The following PKHD1L1 variants were observed in gnomAD, a reference collection of about 807,000 sequenced individuals.
PKHD1L1 encodes PKHD1 like 1, also known as fibrocystin-L.
Under a neutral mutation model 462.9 loss-of-function variants are expected in PKHD1L1, and 434 were observed. That is an observed-to-expected ratio of 0.94 (90% CI 0.87 to 1.02). The LOEUF (loss-of-function observed/expected upper bound fraction) is 1.02. Among genes scored for constraint, PKHD1L1 ranks in the 50% least tolerant of loss-of-function variants. PKHD1L1 has a pLI of 0.00. For synonymous variants in PKHD1L1, 1,781 were observed against 1,750.0 expected, an observed-to-expected ratio of 1.02 and a Z score of -0.44; for missense variants, 5,202 against 5,096.1, an observed-to-expected ratio of 1.02 and a Z score of -0.63.
At chr8:109,492,642 A>G (rs1298990894) in intron 62 of PKHD1L1, among the ~76,000 whole-genome samples, 1 of 151,896 alleles carries the variant, frequency 6.6e-6, no homozygotes, top group Non-Finnish European at 1.5e-5. Flanking sequence ...ATGAGGTTAA[A>G]AATATTCTCT....
intron 38 of PKHD1L1, among the ~76,000 whole-genome samples, chr8:109,446,671 T>C (rs1260588199): frequency 6.6e-6 from 1 of 152,206 alleles, no homozygotes; most frequent in Non-Finnish European, 1.5e-5. Flanking sequence ...CCCATGTGGT[T>C]GTAATCATTG....
chr8:109,413,819 C>T (rs968244877), intron 21 of PKHD1L1, among the ~76,000 whole-genome samples: 46 of 151,950 alleles, frequency 3.0e-4, no homozygotes, highest in Admixed American at 7.2e-4. Context: ...CAATGGTAAA[C>T]TTTAGAATTT....
chr8:109,507,801 C>T lies in PKHD1L1; in HGVS notation c.11133C>T (p.Ser3711=). The T allele has an allele frequency of 6.2e-7, 1 of 1,613,406 alleles. No individual in the cohort carries two copies. The highest frequency in any genetic ancestry group is 8.5e-7 in the Non-Finnish European group (1 of 1,179,638). The change falls in exon 69 of 78, where the codon AGC becomes AGT. Residue 3711 remains serine (S), a synonymous_variant. Transcript: ENST00000378402. Reference sequence around the variant, plus strand: ...CAGAATATGAATGGGACGGAAACAGCCAAGTAGGAATTGGAGACTACAGAA... The same window carrying T: ...CAGAATATGAATGGGACGGAAACAGTCAAGTAGGAATTGGAGACTACAGAA... ...PQAEYEWDGN[S]QVGIGDYRIP...
rs77992760 is a variant in PKHD1L1, at chr8:109,459,533, C to A, written c.7005-62C>A. The A allele has an allele frequency of 4.6e-6, 6 of 1,298,136 alleles. No individual in the cohort carries two copies. The Admixed American group carries it at 1.2e-4, about 26-fold the overall frequency. The allele number at this position is 1,298,136 out of a possible 1,614,324, so 80.4% of individuals were successfully genotyped here. A position where few individuals can be genotyped will look rare whatever the true frequency, so the allele number is the denominator to read the frequency against. ...TTTAAAATGAATAAAACAAATATAC[C>A]AAAACAATATGTTATGTCAATTTAT... On this transcript the variant is annotated intron_variant, in intron 46 of 77. Transcript: ENST00000378402.
chr8:109,436,985 G>A (rs542284246), intron 30 of PKHD1L1, among the ~76,000 whole-genome samples: 11 of 152,262 alleles, frequency 7.2e-5, no homozygotes, highest in East Asian at 1.9e-4. Flanking sequence ...GCACGATCTC[G>A]CCTCACTGCA....
At chr8:109,408,300 T>A in intron 18 of PKHD1L1, 94 bp downstream of exon 18, 1 of 1,193,982 alleles carries the variant, frequency 8.4e-7, no homozygotes, top group South Asian at 2.1e-5. Context: ...GAGATGTTAC[T>A]TCAAAAAAAA....
At chr8:109,502,061 C>T (rs1036197285) in intron 67 of PKHD1L1, among the ~76,000 whole-genome samples, 6 of 152,046 alleles carry the variant, frequency 3.9e-5, no homozygotes, top group Non-Finnish European at 4.4e-5. Context: ...CACCACACCA[C>T]ACCACACCAC....
rs1812550576 is a variant in PKHD1L1, at chr8:109,388,550, TGTAA to T, written c.623+5_623+8del. 1.3e-6 allele frequency: 2 copies of T among 1,501,180 alleles called. No individual in the cohort carries two copies. Among genetic ancestry groups the T allele is most frequent in the Non-Finnish European group, 1.8e-6 (2 of 1,102,996 alleles). 93.0% of individuals were successfully genotyped at this position (1,501,180 alleles called of 1,614,324 possible). A position where few individuals can be genotyped will look rare whatever the true frequency, so the allele number is the denominator to read the frequency against. ...CTTCTCATACCACAATCTGATAATT[TGTAA>T]GTAATTCAAATTATTTTCTTTACAA... On this transcript the variant is annotated splice_donor_variant and splice_donor_region_variant and intron_variant, in intron 7 of 77. Coordinates refer to ENST00000378402, the MANE Select transcript of PKHD1L1 (RefSeq NM_177531.6). LOFTEE classifies it high-confidence loss of function.
intron 76 of PKHD1L1, among the ~76,000 whole-genome samples, chr8:109,524,016 T>C (rs1006837428): frequency 5.9e-5 from 9 of 152,180 alleles, no homozygotes; most frequent in African/African-American, 2.2e-4. Flanking sequence ...TTTTATACTA[T>C]CTTCATATAG....
intron 52 of PKHD1L1, among the ~76,000 whole-genome samples, 174 bp from the exon 53 acceptor site, chr8:109,477,051 C>T (rs115820582): frequency 0.024 from 3,656 of 151,702 alleles, 136 homozygotes; most frequent in African/African-American, 0.084. Flanking sequence ...ATATTTTGAC[C>T]GTGTATATCT....
At chr8:109,497,705 C>G (rs942283598) in intron 65 of PKHD1L1, among the ~76,000 whole-genome samples, 1 of 152,114 alleles carries the variant, frequency 6.6e-6, no homozygotes, top group Non-Finnish European at 1.5e-5. Flanking sequence ...GGATTACAGG[C>G]GTGAGCCACC....
intron 44 of PKHD1L1, 21 bp from the exon 45 acceptor site, chr8:109,454,702 C>T: frequency 6.2e-7 from 1 of 1,608,708 alleles, no homozygotes; most frequent in South Asian, 1.1e-5. Flanking sequence ...TTCTGAATGG[C>T]ATTTGTGACA....
intron 23 of PKHD1L1, 102 bp downstream of exon 23, chr8:109,420,792 C>T: frequency 1.1e-6 from 1 of 897,718 alleles, no homozygotes; most frequent in Non-Finnish European, 1.6e-6. Context: ...GAAAAGACAG[C>T]TAACTATTCT....
intron 71 of PKHD1L1, among the ~76,000 whole-genome samples, chr8:109,511,967 C>T (rs1458041708): frequency 7.2e-5 from 11 of 152,024 alleles, no homozygotes; most frequent in Non-Finnish European, 1.0e-4. Flanking sequence ...TTTTTTCATG[C>T]GTTTTTTTGG....
Position 109,464,215 on chromosome 8 carries a change from G to T in PKHD1L1, c.7384-1G>T. ...ATAACTGTGATTTCTGGGCTTAACA[G>T]GTATTCCATGCTGGCCAGGCTTTCC... On this transcript the variant is annotated splice_acceptor_variant, in intron 48 of 77. Transcript: ENST00000378402. LOFTEE classifies it high-confidence loss of function. The T allele has an allele frequency of 1.3e-6, 2 of 1,581,914 alleles. No homozygotes were observed. The highest frequency in any genetic ancestry group is 1.7e-6 in the Non-Finnish European group (2 of 1,158,846).
At chr8:109,363,868 G>A (rs1057412201) in intron 1 of PKHD1L1, among the ~76,000 whole-genome samples, 14 of 152,194 alleles carry the variant, frequency 9.2e-5, no homozygotes, top group African/African-American at 3.1e-4. Context: ...TGAGGCACCC[G>A]TGGCCTCTAT....
chr8:109,402,685 T>C (rs985643850), intron 14 of PKHD1L1, among the ~76,000 whole-genome samples: 6 of 152,200 alleles, frequency 3.9e-5, no homozygotes, highest in Non-Finnish European at 8.8e-5. Flanking sequence ...AGAAATAGAC[T>C]TCCCTTCTTG....
chr8:109,381,169 A>G (rs1812093424), intron 2 of PKHD1L1, among the ~76,000 whole-genome samples: 2 of 152,140 alleles, frequency 1.3e-5, no homozygotes, highest in South Asian at 4.1e-4. Flanking sequence ...CTCCAGCAAT[A>G]CTTTTATGAG....
intron 2 of PKHD1L1, among the ~76,000 whole-genome samples, chr8:109,374,741 A>G (rs1811713503): frequency 6.6e-6 from 1 of 152,014 alleles, no homozygotes; most frequent in Admixed American, 6.5e-5. Context: ...AAAGTATTTT[A>G]TTTCTCCTTC....
Sources: allele counts gnomAD v4.1 joint callset (sites outside exome capture counted in the v4.1 genomes callset), GRCh38; gene constraint gnomAD v4.1.1; transcripts MANE v1.5; gene names NCBI Gene and HGNC (gene_info 2026-07-23, HGNC 2026-07-21).